The following TRAM1 variants were observed in gnomAD, a reference collection of about 807,000 sequenced individuals.
The protein encoded by TRAM1 is translocating chain-associated membrane protein 1.
In TRAM1, 17 loss-of-function variants were observed where a neutral mutation model predicts 48.7. That is an observed-to-expected ratio of 0.35 (90% CI 0.24 to 0.52). The LOEUF (loss-of-function observed/expected upper bound fraction) is 0.52. Ranked by LOEUF, TRAM1 falls within the 20% of genes least tolerant of loss-of-function variation. The pLI is 0.94. For synonymous variants in TRAM1, 182 were observed against 154.0 expected (o/e 1.18, Z -1.34); for missense variants, 351 against 441.5 (o/e 0.79, Z 1.84).
At chr8:70,594,206 A>G (rs1817430006) in intron 6 of TRAM1, among the ~76,000 whole-genome samples, 1 of 152,074 alleles carries the variant, frequency 6.6e-6, no homozygotes, top group South Asian at 2.1e-4. Context: ...ACATTTAAAA[A>G]TTAGTTTAAA....
intron 6 of TRAM1, among the ~76,000 whole-genome samples, chr8:70,588,420 TA>T (rs1323487303): frequency 2.0e-5 from 3 of 151,982 alleles, no homozygotes; most frequent in African/African-American, 7.3e-5. Context: ...ACCCCATCTC[TA>T]CAAAAAAATG....
At chr8:70,584,703 C>A (rs1186377404) in intron 8 of TRAM1, among the ~76,000 whole-genome samples, 1 of 151,988 alleles carries the variant, frequency 6.6e-6, no homozygotes, top group Non-Finnish European at 1.5e-5. Flanking sequence ...AATAAAATAC[C>A]TAGGAATCCA....
intron 1 of TRAM1, 52 bp from the exon 2 acceptor site, chr8:70,600,134 T>A: frequency 6.8e-7 from 1 of 1,478,466 alleles, no homozygotes; most frequent in South Asian, 1.1e-5. Context: ...CTCTCCCAAA[T>A]AACAGATCGG....
intron 8 of TRAM1, 33 bp downstream of exon 8, chr8:70,586,862 G>T: frequency 6.4e-7 from 1 of 1,566,312 alleles, no homozygotes; most frequent in Non-Finnish European, 8.8e-7. Flanking sequence ...TAAATACCTA[G>T]TACACGAGAA....
chr8:70,590,308 T>C lies in TRAM1; in HGVS notation c.571-3132A>G, dbSNP rs573807735. Among the ~76,000 whole-genome samples the C allele has an allele frequency of 2.2e-4, 34 of 152,266 alleles. No homozygotes were observed. In the South Asian group the frequency reaches 6.6e-3, roughly 30 times the overall value. On this transcript the variant is annotated intron_variant, in intron 6 of 10. Coordinates refer to ENST00000262213, the MANE Select transcript of TRAM1 (RefSeq NM_014294.6). The stretch of plus-strand genomic sequence containing the variant: ...CTACTCTTTTCTTCTCTGACAAGAC[T>C]AAAAACACTATTATAAATTACAAAC...
intron 1 of TRAM1, 33 bp from the exon 2 acceptor site, chr8:70,600,115 T>C (rs1235132175): frequency 5.1e-6 from 8 of 1,555,276 alleles, no homozygotes; most frequent in Non-Finnish European, 7.1e-6. Context: ...ATCAAGTCAA[T>C]TTGTGACCCT....
At chr8:70,583,593 C>G in intron 9 of TRAM1, 57 bp downstream of exon 9, 4 of 1,557,318 alleles carry the variant, frequency 2.6e-6, no homozygotes, top group Non-Finnish European at 2.6e-6. Flanking sequence ...TGTAGAGAAA[C>G]TGATAATATA....
intron 8 of TRAM1, among the ~76,000 whole-genome samples, chr8:70,586,338 G>T (rs1278431708): frequency 2.7e-5 from 4 of 149,850 alleles, no homozygotes; most frequent in Admixed American, 6.6e-5. Flanking sequence ...CGAGTTAATG[G>T]GTGCAGCACA....
At position 70,607,967 on chromosome 8, in the gene TRAM1, C is replaced by T. The variant is rs550800253; in HGVS notation, c.123+110G>A. 1.4e-5 allele frequency: 19 copies of T among 1,376,932 alleles called. No homozygotes were observed. The East Asian group carries it at 1.7e-4, about 13-fold the overall frequency. 85.3% of individuals were successfully genotyped at this position (1,376,932 alleles called of 1,614,324 possible). On this transcript the variant is annotated intron_variant, in intron 1 of 10. Coordinates refer to ENST00000262213, the MANE Select transcript of TRAM1 (RefSeq NM_014294.6). ...CAGGGACTGGGGGTCTGCACCCACCCCGGGCCCGAGCCCCCCGCGTCCTGG... is the reference window on the plus strand; with the variant it reads ...CAGGGACTGGGGGTCTGCACCCACCTCGGGCCCGAGCCCCCCGCGTCCTGG...
chr8:70,589,150 G>A lies in TRAM1; in HGVS notation c.571-1974C>T, dbSNP rs564566447. On this transcript the variant is annotated intron_variant, in intron 6 of 10. Transcript: ENST00000262213. ...CAAGTTTTAGGTAGAACATAAGACA[G>A]TCTGAATATTACAATTTACAGTACT... Among the ~76,000 whole-genome samples, 5 of 152,292 alleles carry A rather than the reference G, an allele frequency of 3.3e-5. No individual in the cohort carries two copies. The South Asian group carries it at 8.3e-4, about 25-fold the overall frequency.
intron 10 of TRAM1, among the ~76,000 whole-genome samples, chr8:70,580,737 C>A (rs1817057250): frequency 6.7e-6 from 1 of 149,160 alleles, no homozygotes. Flanking sequence ...AGAAAGCATC[C>A]AGATTGCCCA....
rs371679926 is a variant in TRAM1, at chr8:70,598,248, T to C, written c.195A>G (p.Gln65=). The part of the protein sequence containing the change: ...YNVTLPATEE[Q]ATESVSLYYY... The stretch of plus-strand genomic sequence containing the variant: ...AATAAAGGGACACTGATTCAGTAGC[T>C]TGTTCTTCTGAAGACCAAAAAGGAC... The change falls in exon 3 of 11, where the codon CAA becomes CAG. Residue 65 remains glutamine (Q), a synonymous_variant. Coordinates refer to ENST00000262213, the MANE Select transcript of TRAM1 (RefSeq NM_014294.6). 1.9e-6 allele frequency: 3 copies of C among 1,606,786 alleles called. No individual in the cohort carries two copies. The highest frequency in any genetic ancestry group is 1.7e-5 in the Admixed American group (1 of 58,834).
intron 1 of TRAM1, among the ~76,000 whole-genome samples, chr8:70,602,423 C>T (rs1337850365): frequency 1.3e-5 from 2 of 152,078 alleles, no homozygotes; most frequent in African/African-American, 4.8e-5. Flanking sequence ...AAGAGAATAA[C>T]GGATGGAGGC....
intron 1 of TRAM1, among the ~76,000 whole-genome samples, chr8:70,603,619 A>C (rs1006453555): frequency 6.6e-6 from 1 of 152,172 alleles, no homozygotes; most frequent in African/African-American, 2.4e-5. Flanking sequence ...CAGGATGCTG[A>C]GGCAGGAGAA....
intron 10 of TRAM1, among the ~76,000 whole-genome samples, chr8:70,581,152 C>G (rs577334205): frequency 3.1e-4 from 47 of 152,304 alleles, no homozygotes; most frequent in African/African-American, 1.1e-3. Context: ...ACCTGGGAGG[C>G]TGATGGGAGA....
chr8:70,594,918 A>T (rs1261391039), intron 5 of TRAM1, among the ~76,000 whole-genome samples: 1 of 152,236 alleles, frequency 6.6e-6, no homozygotes, highest in East Asian at 1.9e-4. Context: ...CTGAAAACAT[A>T]ACCCACATGT....
intron 6 of TRAM1, among the ~76,000 whole-genome samples, chr8:70,589,819 T>C (rs531957708): frequency 4.6e-5 from 7 of 152,294 alleles, no homozygotes; most frequent in Non-Finnish European, 7.3e-5. Flanking sequence ...CACTCCAGCA[T>C]GGGTGATAGA....
chr8:70,598,709 C>G (rs1817541996), intron 2 of TRAM1, among the ~76,000 whole-genome samples: 1 of 152,116 alleles, frequency 6.6e-6, no homozygotes, highest in South Asian at 2.1e-4. Flanking sequence ...TAGTTTTGAT[C>G]TATAAGCAGC....
chr8:70,580,543 C>G (rs548902433), intron 10 of TRAM1, among the ~76,000 whole-genome samples: 1 of 152,232 alleles, frequency 6.6e-6, no homozygotes, highest in East Asian at 1.9e-4. Flanking sequence ...CAGAGGGGAA[C>G]TTCCTCAACC....
Sources: allele counts gnomAD v4.1 joint callset (sites outside exome capture counted in the v4.1 genomes callset), GRCh38; gene constraint gnomAD v4.1.1; transcripts MANE v1.5; gene names NCBI Gene and HGNC (gene_info 2026-07-23, HGNC 2026-07-21).